RUNX1: variants seen among roughly 807,000 people sequenced by gnomAD.
RUNX1 encodes the protein RUNX family transcription factor 1.
Under a neutral mutation model 42.8 loss-of-function variants are expected in RUNX1, and 19 were observed. That is an observed-to-expected ratio of 0.44 (90% CI 0.31 to 0.65). The LOEUF (loss-of-function observed/expected upper bound fraction) is 0.65. Among genes scored for constraint, RUNX1 ranks in the 30% least tolerant of loss-of-function variants. RUNX1 has a pLI of 0.07. For synonymous variants in RUNX1, 271 were observed against 289.4 expected, an observed-to-expected ratio of 0.94 and a Z score of 0.64; for missense variants, 528 against 672.0, an observed-to-expected ratio of 0.79 and a Z score of 2.37.
chr21:34,963,720 T>C (rs1161859289), intron 2 of RUNX1, among the ~76,000 whole-genome samples: 1 of 152,022 alleles, frequency 6.6e-6, no homozygotes, highest in Non-Finnish European at 1.5e-5. Flanking sequence ...AAGATGTGGA[T>C]TTTGACGGTG....
At chr21:34,993,718 GGC>G (rs2058969259) in intron 2 of RUNX1, among the ~76,000 whole-genome samples, 4 of 67,024 alleles carry the variant, frequency 6.0e-5, no homozygotes, top group African/African-American at 3.7e-4. Context: ...GACACACACA[GGC>G]ACACACACAC....
At position 34,792,681 on chromosome 21, in the gene RUNX1, C is replaced by T. The variant is rs1569003128; in HGVS notation, c.968-71G>A. On this transcript the variant is annotated intron_variant, in intron 8 of 8. Coordinates refer to ENST00000675419, the MANE Select transcript of RUNX1 (RefSeq NM_001754.5). The surrounding 1 kb of genome is among the most constrained non-coding windows in gnomAD (Gnocchi z 6.9). Reference sequence around the variant, plus strand: ...CGGAGGCCACAGCTCTTCCCTCTGCCCCAGGGGGCTACCCAGGATGATACC... The same window carrying T: ...CGGAGGCCACAGCTCTTCCCTCTGCTCCAGGGGGCTACCCAGGATGATACC... 3 of 1,394,818 alleles carry T rather than the reference C, an allele frequency of 2.2e-6. No homozygotes were observed. The highest frequency in any genetic ancestry group is 2.9e-6 in the Non-Finnish European group (3 of 1,029,448). The allele number at this position is 1,394,818 out of a possible 1,614,324, so 86.4% of individuals were successfully genotyped here.
chr21:34,857,534 G>A (rs539073871), intron 6 of RUNX1, among the ~76,000 whole-genome samples: 30 of 152,290 alleles, frequency 2.0e-4, no homozygotes, highest in African/African-American at 6.5e-4. Flanking sequence ...ACCTGGCTTC[G>A]GCTTCTTCAG....
rs74524144 is a variant in RUNX1, at chr21:34,977,789, A to T, written c.58+71053T>A. Among the ~76,000 whole-genome samples, 88 of 152,322 alleles carry T rather than the reference A, an allele frequency of 5.8e-4. 1 individual carries two copies. The highest frequency in any genetic ancestry group is 2.0e-3 in the African/African-American group (82 of 41,564). On this transcript the variant is annotated intron_variant, in intron 2 of 8. Transcript: ENST00000675419. The stretch of plus-strand genomic sequence containing the variant: ...CTGGAGAGGCCAAAAAGCTGTCTCC[A>T]TCTTTCTTCCAACATCCTTCTAGTG...
chr21:34,889,844 T>C, intron 3 of RUNX1: 1 of 1,105,960 alleles, frequency 9.0e-7, no homozygotes, highest in Non-Finnish European at 1.1e-6. Context: ...TCACCATGAG[T>C]CCCTCCACGC....
intron 2 of RUNX1, among the ~76,000 whole-genome samples, chr21:35,017,626 A>G (rs1036895776): frequency 6.6e-6 from 1 of 152,188 alleles, no homozygotes; most frequent in Non-Finnish European, 1.5e-5. Context: ...TGATCTATCA[A>G]ATGAGCAGGG....
At chr21:34,831,009 A>T (rs1481017401) in intron 7 of RUNX1, among the ~76,000 whole-genome samples, 1 of 152,220 alleles carries the variant, frequency 6.6e-6, no homozygotes, top group Admixed American at 6.5e-5. Context: ...GTGAAATTTT[A>T]AAATCACTCA....
At chr21:34,800,856 G>C (rs1250755262) in intron 7 of RUNX1, among the ~76,000 whole-genome samples, 1 of 152,092 alleles carries the variant, frequency 6.6e-6, no homozygotes, top group South Asian at 2.1e-4. Context: ...CAGGCAAATA[G>C]TTTAACTTGG....
intron 2 of RUNX1, among the ~76,000 whole-genome samples, chr21:35,039,107 C>T (rs2059339167): frequency 6.6e-6 from 1 of 152,154 alleles, no homozygotes; most frequent in South Asian, 2.1e-4. Flanking sequence ...ATATACATTG[C>T]CCTGCCTAAT....
At chr21:35,038,721 T>C in intron 2 of RUNX1, 1 of 455,950 alleles carries the variant, frequency 2.2e-6, no homozygotes. Context: ...TCAGGAGTGA[T>C]GTGAGCATAT....
chr21:34,940,331 C>T (rs2058517584), intron 2 of RUNX1, among the ~76,000 whole-genome samples: 1 of 152,176 alleles, frequency 6.6e-6, no homozygotes, highest in Non-Finnish European at 1.5e-5. Context: ...AAGTGGTACA[C>T]AGCCATTCGT....
At chr21:34,983,244 T>A (rs2058860779) in intron 2 of RUNX1, among the ~76,000 whole-genome samples, 1 of 152,220 alleles carries the variant, frequency 6.6e-6, no homozygotes, top group Admixed American at 6.5e-5. Context: ...GAAACTCGAA[T>A]GGTGATGTGA....
At chr21:34,802,777 C>A (rs1213378227) in intron 7 of RUNX1, among the ~76,000 whole-genome samples, 1 of 152,032 alleles carries the variant, frequency 6.6e-6, no homozygotes, top group Non-Finnish European at 1.5e-5. Context: ...GCACCGAACT[C>A]AAATCACAGA....
intron 6 of RUNX1, among the ~76,000 whole-genome samples, chr21:34,842,867 G>A (rs1475832293): frequency 5.9e-5 from 9 of 152,138 alleles, no homozygotes; most frequent in African/African-American, 2.2e-4. Flanking sequence ...AGGAGTTCGA[G>A]AGCAGCCTAG....
At chr21:34,916,249 G>T (rs1379016131) in intron 2 of RUNX1, among the ~76,000 whole-genome samples, 1 of 152,188 alleles carries the variant, frequency 6.6e-6, no homozygotes, top group Non-Finnish European at 1.5e-5. Context: ...TGTTTCACGG[G>T]TGGGAGAAAG....
intron 6 of RUNX1, among the ~76,000 whole-genome samples, chr21:34,846,192 G>GTCT (rs1569048362): frequency 9.5e-6 from 1 of 105,758 alleles, no homozygotes; most frequent in Non-Finnish European, 2.2e-5. Context: ...GTTTAAGGAT[G>GTCT]TCTTTTTTTT....
intron 2 of RUNX1, among the ~76,000 whole-genome samples, chr21:34,984,133 G>C (rs2058867322): frequency 6.6e-6 from 1 of 152,148 alleles, no homozygotes; most frequent in African/African-American, 2.4e-5. Context: ...GATTCACAAA[G>C]GGAACAAGGT....
At chr21:34,862,026 AT>A (rs2057583824) in intron 5 of RUNX1, among the ~76,000 whole-genome samples, 1 of 150,972 alleles carries the variant, frequency 6.6e-6, no homozygotes, top group Non-Finnish European at 1.5e-5. Context: ...GGTATTTAAA[AT>A]TAAAAAAAAA....
chr21:34,871,826 C>G (rs993990983), intron 5 of RUNX1, among the ~76,000 whole-genome samples: 7 of 150,714 alleles, frequency 4.6e-5, no homozygotes, highest in Non-Finnish European at 8.8e-5. Context: ...GTGACACACA[C>G]CAAGACCTTG....
Sources: allele counts gnomAD v4.1 joint callset (sites outside exome capture counted in the v4.1 genomes callset), GRCh38; gene constraint gnomAD v4.1.1; non-coding constraint Gnocchi (gnomAD v3.1); transcripts MANE v1.5; gene names NCBI Gene and HGNC (gene_info 2026-07-23, HGNC 2026-07-21).